RALB: variants seen among roughly 807,000 people sequenced by gnomAD.
RALB encodes the protein ras-related protein Ral-B.
Under a neutral mutation model 21.3 loss-of-function variants are expected in RALB, and 16 were observed. That is an observed-to-expected ratio of 0.75 (90% CI 0.51 to 1.14). RALB has a LOEUF of 1.14. Among genes scored for constraint, RALB ranks in the 50% most tolerant of loss-of-function variants. The pLI is 0.00. For missense variants in RALB, 161 were observed against 256.2 expected (o/e 0.63, Z 2.54); for synonymous variants, 93 against 96.1 (o/e 0.97, Z 0.19).
At chr2:120,272,989 T>G (rs1419159091) in intron 1 of RALB, among the ~76,000 whole-genome samples, 1 of 152,208 alleles carries the variant, frequency 6.6e-6, no homozygotes, top group South Asian at 2.1e-4. Flanking sequence ...AGTGGACTCT[T>G]TGTGGCTTAA....
At chr2:120,289,204 C>T (rs1690245826) in intron 3 of RALB, among the ~76,000 whole-genome samples, 1 of 151,508 alleles carries the variant, frequency 6.6e-6, no homozygotes, top group African/African-American at 2.4e-5. Context: ...GTTCCCTTAG[C>T]TTGTTTTTAT....
chr2:120,252,633 A>T (rs1321103166), upstream of RALB: 1 of 239,752 alleles, frequency 4.2e-6, no homozygotes, highest in South Asian at 1.5e-4. Flanking sequence ...ACAGAGGGGG[A>T]CGGGGCAGGC....
At chr2:120,258,763 A>C (rs968539899) in intron 1 of RALB, among the ~76,000 whole-genome samples, 1 of 152,240 alleles carries the variant, frequency 6.6e-6, no homozygotes, top group Non-Finnish European at 1.5e-5. Flanking sequence ...TGGGAGTCAA[A>C]AATGACTTCC....
chr2:120,292,857 T>C (rs1690340176), intron 4 of RALB, among the ~76,000 whole-genome samples: 1 of 152,164 alleles, frequency 6.6e-6, no homozygotes, highest in Admixed American at 6.5e-5. Context: ...GCTTGAGCAG[T>C]TGTGTGATAC....
Position 120,290,506 on chromosome 2 carries a change from C to T in RALB, c.501+749C>T, listed in dbSNP as rs1052259547. Reference sequence around the variant, plus strand: ...ATACGTGGAGCTTCTTGATTTTGCTCTCATTGAGTTATTGGTCAGATTTGT... The same window carrying T: ...ATACGTGGAGCTTCTTGATTTTGCTTTCATTGAGTTATTGGTCAGATTTGT... On this transcript the variant is annotated intron_variant, in intron 4 of 4. Transcript: ENST00000272519. Among the ~76,000 whole-genome samples the T allele has an allele frequency of 2.6e-5, 4 of 152,306 alleles. 1 individual carries two copies. Among genetic ancestry groups the T allele is most frequent in the Middle Eastern group, 3.4e-3 (1 of 294 alleles).
chr2:120,277,657 T>G (rs1436616160), intron 1 of RALB, among the ~76,000 whole-genome samples: 7 of 96,510 alleles, frequency 7.3e-5, no homozygotes, highest in African/African-American at 1.8e-4. Context: ...TTTGAAAGTG[T>G]TGTGAGAGCG....
intron 1 of RALB, among the ~76,000 whole-genome samples, chr2:120,261,311 G>A (rs1193854983): frequency 3.9e-5 from 6 of 152,154 alleles, no homozygotes; most frequent in Admixed American, 3.9e-4. Flanking sequence ...CTTGGGCATG[G>A]TGGTGGTGGA....
intron 1 of RALB, among the ~76,000 whole-genome samples, chr2:120,258,401 G>C (rs944451641): frequency 4.6e-5 from 7 of 152,180 alleles, no homozygotes; most frequent in African/African-American, 1.4e-4. Flanking sequence ...GATTGGGGGT[G>C]GGGGAGTGTG....
intron 1 of RALB, among the ~76,000 whole-genome samples, chr2:120,274,798 T>C (rs947258723): frequency 6.6e-6 from 1 of 152,150 alleles, no homozygotes; most frequent in African/African-American, 2.4e-5. Flanking sequence ...AATGATGTCA[T>C]TTTTTTCACA....
At chr2:120,240,292 TA>T (rs200721096) in intron 1 of RALB, among the ~76,000 whole-genome samples, 21,465 of 148,190 alleles carry the variant, frequency 0.14, 2,054 homozygotes, top group African/African-American at 0.27. Flanking sequence ...TTTTTATTTT[TA>T]TTTTTTTTTG....
intron 2 of RALB, among the ~76,000 whole-genome samples, chr2:120,285,475 C>T (rs766834128): frequency 2.0e-5 from 3 of 152,028 alleles, no homozygotes; most frequent in South Asian, 2.1e-4. Flanking sequence ...TGTTAAATGA[C>T]GAGTTAATGG....
chr2:120,285,260 TA>T (rs1365833185), intron 2 of RALB, among the ~76,000 whole-genome samples: 4 of 151,884 alleles, frequency 2.6e-5, no homozygotes, highest in South Asian at 2.1e-4. Flanking sequence ...AAGAACAGCA[TA>T]GGGGTACCGC....
rs575584699 is a variant in RALB, at chr2:120,246,326, G to T, written c.19+6201G>T. ...TTGGGAGACAGAGGGGCATCCACTTGCCCTTTGAAGTGCACCCCATCCCTG... is the reference window on the plus strand; with the variant it reads ...TTGGGAGACAGAGGGGCATCCACTTTCCCTTTGAAGTGCACCCCATCCCTG... On this transcript the variant is annotated intron_variant, in intron 1 of 3. Coordinates refer to the RALB transcript ENST00000447591. Among the ~76,000 whole-genome samples, 6 of 152,238 alleles carry T rather than the reference G, an allele frequency of 3.9e-5. No homozygotes were observed. In the South Asian group the frequency reaches 1.2e-3, roughly 32 times the overall value.
At chr2:120,273,459 A>G (rs1485529518) in intron 1 of RALB, among the ~76,000 whole-genome samples, 1 of 152,238 alleles carries the variant, frequency 6.6e-6, no homozygotes, top group African/African-American at 2.4e-5. Context: ...CTCTGACCAC[A>G]TGACTCCTGA....
At chr2:120,281,919 G>GT (rs1689999695) in intron 2 of RALB, among the ~76,000 whole-genome samples, 1 of 152,148 alleles carries the variant, frequency 6.6e-6, no homozygotes, top group Non-Finnish European at 1.5e-5. Context: ...GGGAATATTC[G>GT]TAAGTGCCTG....
intron 1 of RALB, chr2:120,253,507 C>T: frequency 1.0e-6 from 1 of 985,742 alleles, no homozygotes; most frequent in Non-Finnish European, 1.2e-6. Context: ...GCCTCCTCCC[C>T]TTTCCTTTCT....
At chr2:120,286,363 T>C (rs1206407280) in intron 3 of RALB, among the ~76,000 whole-genome samples, 1 of 152,180 alleles carries the variant, frequency 6.6e-6, no homozygotes, top group East Asian at 1.9e-4. Flanking sequence ...TTCCATATAA[T>C]CAAGAACATA....
intron 1 of RALB, among the ~76,000 whole-genome samples, chr2:120,261,272 G>T (rs1448183460): frequency 6.6e-6 from 1 of 152,160 alleles, no homozygotes; most frequent in Non-Finnish European, 1.5e-5. Flanking sequence ...TGATGCTGCA[G>T]GAAGAAGGGT....
At chr2:120,259,580 AC>A (rs1689294667) in intron 1 of RALB, among the ~76,000 whole-genome samples, 2 of 151,954 alleles carry the variant, frequency 1.3e-5, no homozygotes, top group African/African-American at 4.8e-5. Context: ...TGGTGCACTC[AC>A]AAACCTTGAG....
Sources: allele counts gnomAD v4.1 joint callset (sites outside exome capture counted in the v4.1 genomes callset), GRCh38; gene constraint gnomAD v4.1.1; transcripts MANE v1.5; gene names NCBI Gene and HGNC (gene_info 2026-07-23, HGNC 2026-07-21).